Variants in SEPTIN14 observed in about 807,000 individuals in gnomAD.
SEPTIN14 encodes the protein septin 14, also known as septin-14.
Under a neutral mutation model 53.6 loss-of-function variants are expected in SEPTIN14, and 40 were observed. The observed-to-expected ratio is 0.75, with a 90% CI of 0.58 to 0.97. The LOEUF is 0.97. SEPTIN14 is among the 50% of genes least tolerant of loss of function. SEPTIN14 has a pLI of 0.00. For missense variants in SEPTIN14, 471 were observed against 508.2 expected, an observed-to-expected ratio of 0.93 and a Z score of 0.70; for synonymous variants, 138 against 166.8, an observed-to-expected ratio of 0.83 and a Z score of 1.33.
At chr7:55,855,345 G>A (rs1382603301) in intron 2 of SEPTIN14, among the ~76,000 whole-genome samples, 4 of 150,938 alleles carry the variant, frequency 2.7e-5, no homozygotes, top group Admixed American at 2.0e-4. Flanking sequence ...TAGTACTGAC[G>A]TTTCAGGTCG....
chr7:55,840,126 T>TAAAA (rs1297159977), intron 5 of SEPTIN14, among the ~76,000 whole-genome samples: 1 of 113,720 alleles, frequency 8.8e-6, no homozygotes, highest in Non-Finnish European at 1.9e-5. Context: ...GCCTGGGCAT[T>TAAAA]AAAAAAAAAA....
intron 9 of SEPTIN14, among the ~76,000 whole-genome samples, chr7:55,804,323 A>G (rs1420425227): frequency 2.0e-5 from 3 of 148,912 alleles, no homozygotes; most frequent in African/African-American, 7.4e-5. Context: ...CAGTGGCACC[A>G]TCTCGGCTCA....
At chr7:55,832,540 GGTATATATACACCATGGAATACT>G (rs1181127729) in intron 6 of SEPTIN14, among the ~76,000 whole-genome samples, 3 of 150,646 alleles carry the variant, frequency 2.0e-5, no homozygotes, top group Non-Finnish European at 4.4e-5. Context: ...ATTTTAATAT[GGTATATATACACCATGGAATACT>G]ATGCAGCCAT....
intron 6 of SEPTIN14, among the ~76,000 whole-genome samples, chr7:55,833,843 A>C (rs1292255979): frequency 2.0e-5 from 3 of 152,166 alleles, no homozygotes; most frequent in Non-Finnish European, 4.4e-5. Context: ...ATGAAAGAGA[A>C]GACATTACAA....
intron 9 of SEPTIN14, chr7:55,798,746 C>T: frequency 4.8e-6 from 1 of 208,358 alleles, no homozygotes; most frequent in East Asian, 1.4e-4. Context: ...CACTCTGGGG[C>T]CCAATGAGAG....
At chr7:55,847,046 A>G (rs893521102) in intron 2 of SEPTIN14, among the ~76,000 whole-genome samples, 4 of 152,042 alleles carry the variant, frequency 2.6e-5, no homozygotes, top group African/African-American at 9.7e-5. Flanking sequence ...TTAGCCGGGC[A>G]TGCTTGTACT....
intron 2 of SEPTIN14, among the ~76,000 whole-genome samples, chr7:55,852,021 A>G (rs1339505857): frequency 6.6e-6 from 1 of 152,004 alleles, no homozygotes; most frequent in Non-Finnish European, 1.5e-5. Context: ...GGGTGCCTGT[A>G]GTCCCAGCTA....
intron 2 of SEPTIN14, among the ~76,000 whole-genome samples, chr7:55,854,622 G>A (rs921745417): frequency 2.0e-5 from 3 of 151,954 alleles, no homozygotes; most frequent in African/African-American, 7.2e-5. Flanking sequence ...GTAGAGATGG[G>A]TTTCACCATG....
At chr7:55,841,899 G>A (rs997339822) in intron 5 of SEPTIN14, among the ~76,000 whole-genome samples, 25 of 151,428 alleles carry the variant, frequency 1.7e-4, no homozygotes, top group Non-Finnish European at 3.1e-4. Context: ...GGTGGCACAG[G>A]CCTGTCAGGC....
chr7:55,833,448 G>A (rs746683282), intron 6 of SEPTIN14, among the ~76,000 whole-genome samples: 19 of 151,642 alleles, frequency 1.3e-4, no homozygotes, highest in Non-Finnish European at 2.2e-4. Flanking sequence ...AATTTTAATC[G>A]GCCAGGCACG....
At chr7:55,838,552 CCTTT>C (rs1446525104) in intron 5 of SEPTIN14, among the ~76,000 whole-genome samples, 19 of 118,054 alleles carry the variant, frequency 1.6e-4, no homozygotes, top group African/African-American at 3.2e-4. Context: ...TCCCTTCCTT[CCTTT>C]CTTTCTTTCT....
At chr7:55,840,801 A>C (rs1789296771) in intron 5 of SEPTIN14, among the ~76,000 whole-genome samples, 1 of 152,230 alleles carries the variant, frequency 6.6e-6, no homozygotes, top group African/African-American at 2.4e-5. Flanking sequence ...GTCGTGCACC[A>C]CATAATGGCA....
At chr7:55,799,980 T>C (rs1037644916) in intron 9 of SEPTIN14, among the ~76,000 whole-genome samples, 1 of 152,208 alleles carries the variant, frequency 6.6e-6, no homozygotes, top group African/African-American at 2.4e-5. Context: ...GATCATATAT[T>C]GGGCCACAAA....
At chr7:55,830,585 C>T (rs567263780) in intron 6 of SEPTIN14, among the ~76,000 whole-genome samples, 12 of 150,330 alleles carry the variant, frequency 8.0e-5, no homozygotes, top group Admixed American at 7.2e-4. Context: ...CCTCATGATC[C>T]GCCCGCCTTG....
At position 55,794,177 on chromosome 7, in the gene SEPTIN14, T is replaced by C. The variant is rs1788387534; in HGVS notation, c.*1736A>G. Reference sequence around the variant, plus strand: ...CTCAAAAACCCTATGGATTATACCATTATTACCTAAAAAGTCTATTCTCAA... The same window carrying C: ...CTCAAAAACCCTATGGATTATACCACTATTACCTAAAAAGTCTATTCTCAA... On this transcript the variant is annotated 3_prime_UTR_variant, in exon 10 of 10. Coordinates refer to ENST00000388975, the MANE Select transcript of SEPTIN14 (RefSeq NM_207366.3). 1 of 152,150 alleles carries C rather than the reference T, an allele frequency of 6.6e-6. No homozygotes were observed. Among genetic ancestry groups the C allele is most frequent in the Non-Finnish European group, 1.5e-5 (1 of 68,006 alleles). 9.4% of individuals were successfully genotyped at this position (152,150 alleles called of 1,614,324 possible). A position where few individuals can be genotyped will look rare whatever the true frequency, so the allele number is the denominator to read the frequency against.
intron 2 of SEPTIN14, among the ~76,000 whole-genome samples, chr7:55,857,642 C>T (rs1464238857): frequency 8.8e-6 from 1 of 114,264 alleles, no homozygotes; most frequent in Non-Finnish European, 1.6e-5. Flanking sequence ...GGCTGGAGTG[C>T]AGTGGCACGA....
intron 7 of SEPTIN14, among the ~76,000 whole-genome samples, chr7:55,809,833 CTTTT>C (rs542777992): frequency 8.9e-6 from 1 of 112,002 alleles, no homozygotes; most frequent in Admixed American, 9.6e-5. Flanking sequence ...AATGGCTTGT[CTTTT>C]TTTTTTTTTT....
intron 9 of SEPTIN14, among the ~76,000 whole-genome samples, chr7:55,802,001 T>C (rs1448000557): frequency 6.7e-6 from 1 of 148,556 alleles, no homozygotes; most frequent in Admixed American, 6.7e-5. Flanking sequence ...ATGGTTTCTT[T>C]TTTTTTTTTT....
chr7:55,854,912 C>T (rs1789587539), intron 2 of SEPTIN14, among the ~76,000 whole-genome samples: 1 of 152,058 alleles, frequency 6.6e-6, no homozygotes, highest in Non-Finnish European at 1.5e-5. Context: ...CAGTTATATT[C>T]ATTTCTAGCT....
Sources: allele counts gnomAD v4.1 joint callset (sites outside exome capture counted in the v4.1 genomes callset), GRCh38; gene constraint gnomAD v4.1.1; transcripts MANE v1.5; gene names NCBI Gene and HGNC (gene_info 2026-07-23, HGNC 2026-07-21).